Variants in MAGI1 observed in about 807,000 individuals in gnomAD.
The protein encoded by MAGI1 is membrane-associated guanylate kinase, WW and PDZ domain-containing protein 1.
A neutral mutation model predicts 139.9 loss-of-function variants in MAGI1; 58 were observed. The ratio of observed to expected loss-of-function variants is 0.41; its 90% CI spans 0.34 to 0.52. The LOEUF (loss-of-function observed/expected upper bound fraction) is 0.52. Among genes scored for constraint, MAGI1 ranks in the 20% least tolerant of loss-of-function variants. The pLI is 0.12. For synonymous variants in MAGI1, 812 were observed against 737.9 expected, an observed-to-expected ratio of 1.10 and a Z score of -1.63; for missense variants, 1,874 against 1,901.6, an observed-to-expected ratio of 0.99 and a Z score of 0.27.
At chr3:65,883,586 T>C (rs1327532692) in intron 1 of MAGI1, among the ~76,000 whole-genome samples, 1 of 152,234 alleles carries the variant, frequency 6.6e-6, no homozygotes, top group African/African-American at 2.4e-5. Context: ...TGTCCTTTAC[T>C]GAATTATTAA....
chr3:65,730,942 T>C (rs2034125875), intron 1 of MAGI1, among the ~76,000 whole-genome samples: 1 of 151,164 alleles, frequency 6.6e-6, no homozygotes, highest in South Asian at 2.1e-4. Context: ...AGTGAAATGG[T>C]TACCTCCATT....
At chr3:65,691,382 C>G (rs986085893) in intron 1 of MAGI1, among the ~76,000 whole-genome samples, 2 of 151,980 alleles carry the variant, frequency 1.3e-5, no homozygotes, top group East Asian at 1.9e-4. Context: ...CCACAGCCCC[C>G]TCTTGGGAAG....
At chr3:66,001,239 G>A (rs1178795871) in intron 1 of MAGI1, among the ~76,000 whole-genome samples, 1 of 152,110 alleles carries the variant, frequency 6.6e-6, no homozygotes, top group Non-Finnish European at 1.5e-5. Context: ...AATAGGTGAA[G>A]GGGGATGAAG....
intron 1 of MAGI1, among the ~76,000 whole-genome samples, chr3:65,720,626 A>G (rs1012867576): frequency 2.0e-5 from 3 of 152,126 alleles, no homozygotes; most frequent in Admixed American, 6.6e-5. Context: ...TACATCCCCC[A>G]AGAAACACGT....
intron 1 of MAGI1, among the ~76,000 whole-genome samples, chr3:65,673,928 A>G (rs761587469): frequency 6.6e-6 from 1 of 152,144 alleles, no homozygotes; most frequent in Non-Finnish European, 1.5e-5. Context: ...AATGCCTTCT[A>G]TTAGAGTCAC....
chr3:65,679,201 A>T (rs1401474160), intron 1 of MAGI1, among the ~76,000 whole-genome samples: 1 of 152,182 alleles, frequency 6.6e-6, no homozygotes, highest in Non-Finnish European at 1.5e-5. Context: ...CTCAACTGTC[A>T]CACATACGCT....
intron 1 of MAGI1, among the ~76,000 whole-genome samples, chr3:65,945,025 A>G (rs1374751907): frequency 6.6e-6 from 1 of 152,188 alleles, no homozygotes; most frequent in Admixed American, 6.5e-5. Flanking sequence ...ACGTTACAAC[A>G]TATATGAAAA....
intron 1 of MAGI1, among the ~76,000 whole-genome samples, chr3:65,942,501 C>T (rs949261728): frequency 2.0e-5 from 3 of 152,260 alleles, no homozygotes; most frequent in Non-Finnish European, 1.5e-5. Context: ...GGCATGATCC[C>T]GACTCTAATA....
intron 1 of MAGI1, among the ~76,000 whole-genome samples, chr3:65,784,939 G>T (rs1031443815): frequency 6.6e-6 from 1 of 152,148 alleles, no homozygotes; most frequent in Non-Finnish European, 1.5e-5. Context: ...GCTACCTAGG[G>T]CTTGAGAGGG....
At chr3:65,856,109 G>T (rs1290285925) in intron 1 of MAGI1, among the ~76,000 whole-genome samples, 1 of 152,086 alleles carries the variant, frequency 6.6e-6, no homozygotes, top group East Asian at 1.9e-4. Context: ...GGGACTGGGT[G>T]GGAGGAGTAT....
At chr3:65,405,894 G>A (rs11708776) in intron 12 of MAGI1, among the ~76,000 whole-genome samples, 8,718 of 121,162 alleles carry the variant, frequency 0.072, 462 homozygotes, top group African/African-American at 0.13. Context: ...CGCCTGGCTA[G>A]TTTTTCTATT....
At chr3:65,970,989 G>A (rs115602399) in intron 1 of MAGI1, among the ~76,000 whole-genome samples, 2,051 of 152,298 alleles carry the variant, frequency 0.013, 25 homozygotes, top group Admixed American at 0.022. Context: ...CGGATCACGG[G>A]TACAAGAGAT....
At chr3:65,547,277 C>T (rs888095317) in intron 2 of MAGI1, among the ~76,000 whole-genome samples, 2 of 152,108 alleles carry the variant, frequency 1.3e-5, no homozygotes, top group African/African-American at 2.4e-5. Context: ...AACCCCTAAG[C>T]GATAGAGCTG....
chr3:65,910,855 C>CTTTTTTTTTTTTCTTTTTTTTTTTT (rs2061635153), intron 1 of MAGI1, among the ~76,000 whole-genome samples: 1 of 59,484 alleles, frequency 1.7e-5, no homozygotes, highest in African/African-American at 7.9e-5. Flanking sequence ...ACATGGTGGA[C>CTTTTTTTTTTTTCTTTTTTTTTTTT]TTTTTTTTTT....
At chr3:65,599,669 C>A (rs1432436725) in intron 2 of MAGI1, among the ~76,000 whole-genome samples, 1 of 152,224 alleles carries the variant, frequency 6.6e-6, no homozygotes, top group African/African-American at 2.4e-5. Context: ...CACTAAATGT[C>A]ACCTATCACT....
At position 65,488,561 on chromosome 3, in the gene MAGI1, G is replaced by A. The variant is rs190679688; in HGVS notation, c.550+4951C>T. 3.9e-3 allele frequency among the ~76,000 whole-genome samples: 596 copies of A among 151,816 alleles called. 3 individuals carry two copies. The highest frequency in any genetic ancestry group is 0.014 in the African/African-American group (574 of 41,428). ...TTACCATGTTGGCCAGGCTTGTGTC[G>A]AATTCCTGACCTAAAATGATCCGCC... is the stretch of plus-strand genomic sequence containing the variant. On this transcript the variant is annotated intron_variant, in intron 3 of 22. Transcript: ENST00000402939.
At chr3:65,390,047 A>G (rs1283471305) in intron 14 of MAGI1, among the ~76,000 whole-genome samples, 1 of 152,134 alleles carries the variant, frequency 6.6e-6, no homozygotes, top group Non-Finnish European at 1.5e-5. Context: ...AGAGGAGTCG[A>G]CTTTCAGCAT....
chr3:66,002,028 C>T (rs2066767495), intron 1 of MAGI1, among the ~76,000 whole-genome samples: 1 of 152,186 alleles, frequency 6.6e-6, no homozygotes, highest in African/African-American at 2.4e-5. Flanking sequence ...CTCAGACCTT[C>T]TGAAGCCACT....
At chr3:65,474,474 G>A (rs1293830736) in intron 4 of MAGI1, among the ~76,000 whole-genome samples, 3 of 152,138 alleles carry the variant, frequency 2.0e-5, no homozygotes, top group African/African-American at 7.2e-5. Flanking sequence ...CTGCAAAACT[G>A]GGAAGTTAAT....
Sources: gnomAD v4.1 joint callset for allele counts (sites outside exome capture counted in the v4.1 genomes callset) on GRCh38, gnomAD v4.1.1 for gene constraint, MANE v1.5 for transcripts, NCBI Gene and HGNC (gene_info 2026-07-23, HGNC 2026-07-21) for gene names.